The following WDR87 variants were observed in gnomAD, a reference collection of about 807,000 sequenced individuals.
WDR87 encodes WD repeat-containing protein 87.
A neutral mutation model predicts 83.3 loss-of-function variants in WDR87; 56 were observed. The observed-to-expected ratio is 0.67, with a 90% CI of 0.54 to 0.84. The LOEUF is 0.84. Ranked by LOEUF, WDR87 falls within the 40% of genes least tolerant of loss-of-function variation. The pLI is 0.00. For missense variants in WDR87, 2,939 were observed against 3,431.9 expected, an observed-to-expected ratio of 0.86 and a Z score of 3.59; for synonymous variants, 1,173 against 1,250.6, an observed-to-expected ratio of 0.94 and a Z score of 1.31.
chr19:37,900,110 A>G (rs1244617234), intron 1 of WDR87, among the ~76,000 whole-genome samples: 2 of 152,228 alleles, frequency 1.3e-5, no homozygotes, highest in African/African-American at 4.8e-5. Context: ...TCACATGCAT[A>G]CAGTGGGTGA....
rs2046150846 is a variant in WDR87 at position 37,886,746 on chromosome 19, T to TCCTTTCCTCCTCCTC, written c.6910_6924dup (p.Glu2304_Arg2308dup). On this transcript the variant is annotated inframe_insertion, in exon 6 of 6. Transcript: ENST00000447313. ...TTCTCCTCCCCTTCCTCCTCCTCCTTCCTTTCCTCCTCCTCCTCCCTTTCC... is the reference window on the plus strand; with the variant it reads ...TTCTCCTCCCCTTCCTCCTCCTCCTTCCTTTCCTCCTCCTCCCTTTCCTCCTCCTCCTCCCTTTCC... The TCCTTTCCTCCTCCTC allele has an allele frequency of 6.8e-7, 1 of 1,466,018 alleles. No individual in the cohort carries two copies. Among genetic ancestry groups the TCCTTTCCTCCTCCTC allele is most frequent in the Non-Finnish European group, 9.2e-7 (1 of 1,087,124 alleles). 90.8% of individuals were successfully genotyped at this position (1,466,018 alleles called of 1,614,324 possible).
chr19:37,888,840 GTTC>G lies in WDR87; in HGVS notation c.4828_4830del (p.Glu1610del), dbSNP rs1411607120. The G allele has an allele frequency of 9.7e-6, 15 of 1,551,376 alleles. No homozygotes were observed. Among genetic ancestry groups the G allele is most frequent in the Non-Finnish European group, 1.3e-5 (15 of 1,146,994 alleles). On this transcript the variant is annotated inframe_deletion, in exon 6 of 6. Transcript: ENST00000447313. ...TTCCTGTGTATTCTGGCCCATTTGTGTTCTTCTTGGATGTGTCTCTGCTCTTCT... is the reference window on the plus strand; with the variant it reads ...TTCCTGTGTATTCTGGCCCATTTGTGTTCTTGGATGTGTCTCTGCTCTTCT...
At position 37,890,055 on chromosome 19, in the gene WDR87, A is replaced by G. The variant is rs2046191121; in HGVS notation, c.3616T>C (p.Leu1206=). Residue 1206 remains leucine (L), a synonymous_variant, in exon 6 of 6, where the codon TTG becomes CTG. Transcript: ENST00000447313. ...EKDISKDHIA[L]TLKRLQKIRD... is the part of the protein sequence containing the mutation. ...ATTTTCTGCAGCCTCTTCAGGGTCA[A>G]TGCAATGTGATCCTTCGAGATATCT... The G allele has an allele frequency of 1.3e-6, 2 of 1,551,740 alleles. No individual in the cohort carries two copies. Among genetic ancestry groups the G allele is most frequent in the Admixed American group, 2.0e-5 (1 of 50,994 alleles).
intron 2 of WDR87, 124 bp from the exon 3 acceptor site, chr19:37,896,432 T>TA: frequency 1.0e-6 from 1 of 969,010 alleles, no homozygotes; most frequent in South Asian, 1.7e-5. Flanking sequence ...CTACTCCTGT[T>TA]ACACTCACAC....
In WDR87 at chr19:37,892,816, G is replaced by C. The variant is rs372506795; in HGVS notation, c.2887C>G (p.Arg963Gly). Residue 963 changes from arginine (R) to glycine (G), a missense_variant, in exon 4 of 6, where the codon CGT becomes GGT. Physicochemically the swap from Arg to Gly is moderately radical, Grantham distance 125 (BLOSUM62 -2). Coordinates refer to ENST00000447313, the MANE Select transcript of WDR87 (RefSeq NM_001291088.2). ...TTGGTTGTATCATTCAGTAGCCGAC[G>C]GGCTGTCTCAGAGCGTAGGGCTGGG... ...VSPALRSETA[R>G]RLLNDTTNSN... 2 of 1,551,630 alleles carry C rather than the reference G, an allele frequency of 1.3e-6. No individual in the cohort carries two copies. The highest frequency in any genetic ancestry group is 2.7e-5 in the African/African-American group (2 of 73,024).
Position 37,893,588 on chromosome 19 carries a change from G to A in WDR87, c.2115C>T (p.Ser705=), listed in dbSNP as rs1201142949. Residue 705 remains serine, a synonymous_variant, in exon 4 of 6, where the codon AGC becomes AGT. Coordinates refer to ENST00000447313, the MANE Select transcript of WDR87 (RefSeq NM_001291088.2). ...VLEVPKPFIP[S]FFFSFETMFV... ...ACATGGTCTCAAAGGAGAAGAAGAA[G>A]CTTGGTATGAAAGGCTTAGGGACTT... 1 of 1,551,956 alleles carries A rather than the reference G, an allele frequency of 6.4e-7. No homozygotes were observed. The highest frequency in any genetic ancestry group is 8.7e-7 in the Non-Finnish European group (1 of 1,147,070).
intron 2 of WDR87, among the ~76,000 whole-genome samples, chr19:37,897,419 A>G (rs1164497795): frequency 2.0e-5 from 3 of 151,710 alleles, no homozygotes; most frequent in Non-Finnish European, 2.9e-5. Context: ...CATGTTGCCC[A>G]GTGTGGTCTT....
intron 1 of WDR87, among the ~76,000 whole-genome samples, chr19:37,904,448 T>TC (rs2145447520): frequency 6.6e-6 from 1 of 151,604 alleles, no homozygotes; most frequent in Non-Finnish European, 1.5e-5. Context: ...AACTTCTGCC[T>TC]CCTGAGTTCA....
chr19:37,901,430 C>G (rs1368326536), intron 1 of WDR87, among the ~76,000 whole-genome samples: 1 of 152,036 alleles, frequency 6.6e-6, no homozygotes, highest in African/African-American at 2.4e-5. Flanking sequence ...GACTCCATCT[C>G]AAAAACAAAA....
chr19:37,901,161 G>A lies in WDR87; in HGVS notation c.-46-2876C>T, dbSNP rs892469142. Among the ~76,000 whole-genome samples the A allele has an allele frequency of 8.6e-5, 13 of 150,944 alleles. No individual in the cohort carries two copies. In the Admixed American group the frequency reaches 8.6e-4, roughly 10 times the overall value. On this transcript the variant is annotated intron_variant, in intron 1 of 5. Coordinates refer to ENST00000447313, the MANE Select transcript of WDR87 (RefSeq NM_001291088.2). The stretch of plus-strand genomic sequence containing the variant: ...CTTAAAAAAAAAAAAGGCCAGGTGC[G>A]GTGGCTCACGCCTGTAATCCCAGCA...
chr19:37,887,062 C>T lies in WDR87; in HGVS notation c.6609G>A (p.Glu2203=). ...INKEEKMTEE[E]SKLARKHSEV... ...CTGAATGCTTTCTGGCCAATTTGCT[C>T]TCTTCCTCAGTCATTTTTTCTTCTT... Residue 2203 remains glutamate, a synonymous_variant, in exon 6 of 6, where the codon GAG becomes GAA. Coordinates refer to ENST00000447313, the MANE Select transcript of WDR87 (RefSeq NM_001291088.2). 6.4e-7 allele frequency: 1 copy of T among 1,551,294 alleles called. No individual in the cohort carries two copies. The highest frequency in any genetic ancestry group is 8.7e-7 in the Non-Finnish European group (1 of 1,146,984).
Position 37,888,776 on chromosome 19 carries a change from C to T in WDR87, c.4895G>A (p.Arg1632Lys), listed in dbSNP as rs2046175592. ...RAEKKRAQEE[R>K]KLAQEEEKLA... ...TTTCTCTTCTTCTTGTGCTAATTTC[C>T]TCTCTTCTTGGGCTCGTTTTTTTTC... Residue 1632 changes from arginine (R) to lysine (K), a missense_variant, in exon 6 of 6, where the codon AGG (arginine) becomes AAG (lysine). By Grantham distance (26) the Arg-to-Lys change is conservative. This residue lies in a region of WDR87 where 2,160 missense variants were observed against 2,533.1 expected (regional missense o/e 0.85). Transcript: ENST00000447313. The T allele has an allele frequency of 6.4e-7, 1 of 1,551,610 alleles. No individual in the cohort carries two copies. The highest frequency in any genetic ancestry group is 1.2e-5 in the South Asian group (1 of 84,046).
In WDR87 at chr19:37,888,783, C is replaced by T. The variant is rs917298023; in HGVS notation, c.4888G>A (p.Glu1630Lys). 25 of 1,551,756 alleles carry T rather than the reference C, an allele frequency of 1.6e-5. No individual in the cohort carries two copies. The highest frequency in any genetic ancestry group is 2.1e-5 in the Non-Finnish European group (24 of 1,147,002). ...RARAEKKRAQ[E>K]ERKLAQEEEK... The stretch of plus-strand genomic sequence containing the variant: ...TCTTCTTGTGCTAATTTCCTCTCTT[C>T]TTGGGCTCGTTTTTTTTCAGCTCGG... Residue 1630 changes from glutamate (E) to lysine (K), a missense_variant, in exon 6 of 6, where the codon GAA becomes AAA. Glu to Lys is a moderately conservative substitution (Grantham distance 56). Transcript: ENST00000447313.
chr19:37,905,101 G>A (rs983838201), intron 1 of WDR87, among the ~76,000 whole-genome samples: 1 of 151,812 alleles, frequency 6.6e-6, no homozygotes, highest in African/African-American at 2.4e-5. Context: ...GTGTGATGGC[G>A]CCTGCCTGTA....
Position 37,886,623 on chromosome 19 carries a change from C to G in WDR87, c.7048G>C (p.Glu2350Gln). 6.5e-7 allele frequency: 1 copy of G among 1,533,052 alleles called. No individual in the cohort carries two copies. Among genetic ancestry groups the G allele is most frequent in the Non-Finnish European group, 8.8e-7 (1 of 1,137,712 alleles). The allele number at this position is 1,533,052 out of a possible 1,614,324, so 95.0% of individuals were successfully genotyped here. A position where few individuals can be genotyped will look rare whatever the true frequency, so the allele number is the denominator to read the frequency against. ...EKEEVFEEKE[E>Q]IMSEEETESL... is the part of the protein sequence containing the mutation. ...TCTGTCTCTTCCTCACTCATAATTT[C>G]TTCTTTCTCCTCAAACACTTCTTCC... Residue 2350 changes from glutamate to glutamine, a missense_variant, in exon 6 of 6, where the codon GAA becomes CAA. Physicochemically the swap from Glu to Gln is conservative, Grantham distance 29 (BLOSUM62 2). Transcript: ENST00000447313.
In WDR87 at chr19:37,887,512, C is replaced by T. The variant is rs1206647039; in HGVS notation, c.6159G>A (p.Glu2053=). 25 of 1,551,510 alleles carry T rather than the reference C, an allele frequency of 1.6e-5. No individual in the cohort carries two copies. The highest frequency in any genetic ancestry group is 2.1e-5 in the Non-Finnish European group (24 of 1,146,812). ...TCCTGTCTTCATGTAGCAGTATCTT[C>T]TCCTCTAGTGACAATTTTCTCTCAA... The part of the protein sequence containing the change: ...ELFERKLSLE[E]KILLHEDRIL... The change falls in exon 6 of 6, where the codon GAG becomes GAA. Residue 2053 remains glutamate, a synonymous_variant. Coordinates refer to ENST00000447313, the MANE Select transcript of WDR87 (RefSeq NM_001291088.2).
At chr19:37,899,230 C>G (rs2145440695) in intron 1 of WDR87, among the ~76,000 whole-genome samples, 1 of 151,954 alleles carries the variant, frequency 6.6e-6, no homozygotes, top group East Asian at 1.9e-4. Flanking sequence ...ACTAGCCTGG[C>G]TAATATGGTG....
Position 37,885,924 on chromosome 19 carries a change from C to G in WDR87, c.7747G>C (p.Asp2583His). 6.4e-7 allele frequency: 1 copy of G among 1,552,286 alleles called. No homozygotes were observed. Among genetic ancestry groups the G allele is most frequent in the Non-Finnish European group, 8.7e-7 (1 of 1,147,124 alleles). Residue 2583 changes from aspartate to histidine, a missense_variant, in exon 6 of 6, where the codon GAT becomes CAT. Physicochemically the swap from Asp to His is moderately conservative, Grantham distance 81. Transcript: ENST00000447313. ...RMEAGEQLSR[D>H]GFHRLCQLLK... ...AGCTGGCACAGTCTATGGAAACCATCCCTGGAAAGCTGTTCTCCCGCTTCC... is the reference window on the plus strand; with the variant it reads ...AGCTGGCACAGTCTATGGAAACCATGCCTGGAAAGCTGTTCTCCCGCTTCC...
Position 37,895,208 on chromosome 19 carries a change from C to G in WDR87, c.495G>C (p.Leu165=). 1 of 1,551,732 alleles carries G rather than the reference C, an allele frequency of 6.4e-7. No individual in the cohort carries two copies. The highest frequency in any genetic ancestry group is 8.7e-7 in the Non-Finnish European group (1 of 1,147,002). The change falls in exon 4 of 6, where the codon CTG becomes CTC. Residue 165 remains leucine (L), a synonymous_variant. Transcript: ENST00000447313. The part of the protein sequence containing the change: ...LCYDPEMKML[L]SGILGAVVTW... The stretch of plus-strand genomic sequence containing the variant: ...TCACCACTGCCCCCAGGATGCCAGA[C>G]AGAAGCATCTTCATTTCCGGGTCAT...
Sources: allele counts gnomAD v4.1 joint callset (sites outside exome capture counted in the v4.1 genomes callset), GRCh38; gene constraint gnomAD v4.1.1; regional missense constraint gnomAD v4.1.1; transcripts MANE v1.5; gene names NCBI Gene and HGNC (gene_info 2026-07-23, HGNC 2026-07-21).